COX7B2: variants seen among roughly 807,000 people sequenced by gnomAD.
COX7B2 encodes cytochrome c oxidase subunit 7B2, mitochondrial.
For missense variants in COX7B2, 109 were observed against 95.9 expected, an observed-to-expected ratio of 1.14 and a Z score of -0.57; for synonymous variants, 37 against 32.1, an observed-to-expected ratio of 1.15 and a Z score of -0.51.
intron 1 of COX7B2, among the ~76,000 whole-genome samples, chr4:46,876,084 C>A (rs1718309529): frequency 6.6e-6 from 1 of 152,044 alleles, no homozygotes; most frequent in Non-Finnish European, 1.5e-5. Flanking sequence ...AACCACAGTG[C>A]TTTGTCAGTG....
intron 2 of COX7B2, among the ~76,000 whole-genome samples, chr4:46,791,080 A>G (rs914361258): frequency 3.9e-5 from 6 of 152,190 alleles, no homozygotes; most frequent in Non-Finnish European, 7.4e-5. Context: ...GCTCACTGCA[A>G]GCTCCGCCTC....
At chr4:46,787,277 G>A (rs528257426) in intron 2 of COX7B2, among the ~76,000 whole-genome samples, 23 of 152,042 alleles carry the variant, frequency 1.5e-4, no homozygotes, top group African/African-American at 3.9e-4. Context: ...GAGAAACCCC[G>A]TCTCTACTAA....
At chr4:46,855,607 C>T (rs538646371) in intron 1 of COX7B2, among the ~76,000 whole-genome samples, 1 of 151,640 alleles carries the variant, frequency 6.6e-6, no homozygotes, top group African/African-American at 2.4e-5. Flanking sequence ...TTGTGATACT[C>T]TGATTTACAG....
chr4:46,835,745 T>C (rs57198064), intron 2 of COX7B2, among the ~76,000 whole-genome samples: 11,239 of 152,228 alleles, frequency 0.074, 514 homozygotes, highest in African/African-American at 0.12. Context: ...TGCCATTTAA[T>C]GATGGGGACA....
At chr4:46,795,450 A>G (rs1162722442) in intron 2 of COX7B2, among the ~76,000 whole-genome samples, 1 of 119,876 alleles carries the variant, frequency 8.3e-6, no homozygotes, top group African/African-American at 3.6e-5. Context: ...CATTTATTAA[A>G]TAGGGAATCC....
In COX7B2 at chr4:46,845,338, C is replaced by A. The variant is rs139564117; in HGVS notation, c.-104-324G>T. ...TTCATGAGTCACCACTCACCTGTACCCAACCTCAAATGGAAGGTTCTGGCC... is the reference window on the plus strand; with the variant it reads ...TTCATGAGTCACCACTCACCTGTACACAACCTCAAATGGAAGGTTCTGGCC... On this transcript the variant is annotated intron_variant, in intron 1 of 2. Coordinates refer to ENST00000355591, the MANE Select transcript of COX7B2 (RefSeq NM_130902.3). 4.4e-3 allele frequency among the ~76,000 whole-genome samples: 673 copies of A among 151,800 alleles called. 6 individuals carry two copies. The highest frequency in any genetic ancestry group is 0.016 in the African/African-American group (652 of 41,468).
At chr4:46,771,833 C>T (rs889944777) in intron 2 of COX7B2, among the ~76,000 whole-genome samples, 4 of 152,008 alleles carry the variant, frequency 2.6e-5, no homozygotes, top group East Asian at 1.9e-4. Flanking sequence ...ATACTAAAGC[C>T]GTACATACTT....
At chr4:46,783,364 T>G (rs1235601249) in intron 2 of COX7B2, among the ~76,000 whole-genome samples, 2 of 152,236 alleles carry the variant, frequency 1.3e-5, no homozygotes, top group Non-Finnish European at 2.9e-5. Flanking sequence ...CTGGCTGATC[T>G]CTTAGAACTA....
At position 46,771,807 on chromosome 4, in the gene COX7B2, G is replaced by A. The variant is rs561864173; in HGVS notation, c.-49-36566C>T. Among the ~76,000 whole-genome samples, 5 of 152,122 alleles carry A rather than the reference G, an allele frequency of 3.3e-5. No homozygotes were observed. The South Asian group carries it at 8.3e-4, about 25-fold the overall frequency. On this transcript the variant is annotated intron_variant, in intron 2 of 2. Coordinates refer to ENST00000355591, the MANE Select transcript of COX7B2 (RefSeq NM_130902.3). Reference sequence around the variant, plus strand: ...CTATTTGACAAACCTCTGATCCCAAGTATTTCAGATAAGGAATACTAAAGC... The same window carrying A: ...CTATTTGACAAACCTCTGATCCCAAATATTTCAGATAAGGAATACTAAAGC...
chr4:46,820,448 C>T (rs1487716147), intron 2 of COX7B2, among the ~76,000 whole-genome samples: 7 of 152,140 alleles, frequency 4.6e-5, no homozygotes, highest in African/African-American at 1.7e-4. Context: ...AGCCTAGTTC[C>T]TAACAGGCCA....
Position 46,735,090 on chromosome 4 carries a change from G to A in COX7B2, c.103C>T (p.His35Tyr), listed in dbSNP as rs1714281159. ...AGCACAGCATTACCATATTTATCATGAAAATCTGGTGAGTGTTTTACATGG... is the reference window on the plus strand; with the variant it reads ...AGCACAGCATTACCATATTTATCATAAAAATCTGGTGAGTGTTTTACATGG... ...HSHVKHSPDFHDKYGNAVLAS... is the reference protein window; with the variant it reads ...HSHVKHSPDFYDKYGNAVLAS... Residue 35 changes from histidine (H) to tyrosine (Y), a missense_variant, in exon 3 of 3, where the codon CAT becomes TAT. Physicochemically the swap from His to Tyr is moderately conservative, Grantham distance 83 (BLOSUM62 2). Coordinates refer to ENST00000355591, the MANE Select transcript of COX7B2 (RefSeq NM_130902.3). 1 of 1,613,858 alleles carries A rather than the reference G, an allele frequency of 6.2e-7. No individual in the cohort carries two copies. The highest frequency in any genetic ancestry group is 1.6e-4 in the Middle Eastern group (1 of 6,082).
intron 2 of COX7B2, among the ~76,000 whole-genome samples, chr4:46,827,219 A>T (rs1427596038): frequency 1.3e-5 from 2 of 152,056 alleles, no homozygotes; most frequent in Non-Finnish European, 2.9e-5. Context: ...CAAATTTGGT[A>T]AAAAGAAAGA....
At chr4:46,815,185 A>AAAAAAG (rs1212699620) in intron 2 of COX7B2, among the ~76,000 whole-genome samples, 1 of 152,018 alleles carries the variant, frequency 6.6e-6, no homozygotes, top group African/African-American at 2.4e-5. Context: ...CAAAAAAAAA[A>AAAAAAG]AAAAAGAAAA....
At chr4:46,892,195 C>A (rs1719468697) in intron 1 of COX7B2, among the ~76,000 whole-genome samples, 1 of 152,102 alleles carries the variant, frequency 6.6e-6, no homozygotes, top group South Asian at 2.1e-4. Flanking sequence ...ACCGGGGCCA[C>A]TGGTACCACT....
At chr4:46,847,006 T>C (rs573998475) in intron 1 of COX7B2, among the ~76,000 whole-genome samples, 1 of 152,166 alleles carries the variant, frequency 6.6e-6, no homozygotes, top group South Asian at 2.1e-4. Flanking sequence ...GAACTATATA[T>C]AAACTATGCA....
At chr4:46,848,715 A>G (rs1265424342) in intron 1 of COX7B2, among the ~76,000 whole-genome samples, 4 of 152,026 alleles carry the variant, frequency 2.6e-5, no homozygotes, top group African/African-American at 4.8e-5. Flanking sequence ...CCTTTTATGT[A>G]TTCAATACAC....
chr4:46,834,749 G>A (rs563364885), intron 2 of COX7B2, among the ~76,000 whole-genome samples: 1 of 151,650 alleles, frequency 6.6e-6, no homozygotes, highest in Admixed American at 6.6e-5. Context: ...ATTACTAAAA[G>A]AAATCATGGA....
intron 2 of COX7B2, among the ~76,000 whole-genome samples, chr4:46,791,629 G>A (rs145632131): frequency 2.4e-4 from 36 of 152,240 alleles, no homozygotes; most frequent in Admixed American, 6.5e-4. Flanking sequence ...TCAACTAAAC[G>A]GCTGGCACCT....
intron 1 of COX7B2, among the ~76,000 whole-genome samples, chr4:46,860,494 T>A (rs1717272383): frequency 1.3e-5 from 2 of 151,532 alleles, no homozygotes; most frequent in Admixed American, 1.3e-4. Flanking sequence ...GGGGCCCAAG[T>A]TAGAGACCAG....
Sources: allele counts gnomAD v4.1 joint callset (sites outside exome capture counted in the v4.1 genomes callset), GRCh38; gene constraint gnomAD v4.1.1; transcripts MANE v1.5; gene names NCBI Gene and HGNC (gene_info 2026-07-23, HGNC 2026-07-21).